The following DLGAP4 variants were observed in gnomAD, a reference collection of about 807,000 sequenced individuals.
DLGAP4 encodes the protein DLG associated protein 4.
In DLGAP4, 18 loss-of-function variants were observed where a neutral mutation model predicts 86.9. The observed-to-expected ratio is 0.21, with a 90% CI of 0.14 to 0.31. DLGAP4 has a LOEUF of 0.31. Among genes scored for constraint, DLGAP4 ranks in the 10% least tolerant of loss-of-function variants. The pLI, the probability that DLGAP4 is intolerant of heterozygous loss-of-function variation, is 1.00. For synonymous variants in DLGAP4, 548 were observed against 574.3 expected (o/e 0.95, Z 0.65); for missense variants, 1,085 against 1,362.6 (o/e 0.80, Z 3.21).
At chr20:36,447,900 GT>G (rs1173200509) in intron 7 of DLGAP4, among the ~76,000 whole-genome samples, 3 of 102,594 alleles carry the variant, frequency 2.9e-5, no homozygotes, top group African/African-American at 7.4e-5. Context: ...TATCAGGGGG[GT>G]GGGGGGGGGG....
intron 2 of DLGAP4, among the ~76,000 whole-genome samples, chr20:36,374,676 C>T (rs919220966): frequency 6.6e-6 from 1 of 152,206 alleles, no homozygotes; most frequent in Non-Finnish European, 1.5e-5. Flanking sequence ...CTCAAGGGAG[C>T]CTTAGATATC....
chr20:36,438,835 A>C (rs1477037164), intron 4 of DLGAP4, among the ~76,000 whole-genome samples: 1 of 150,262 alleles, frequency 6.7e-6, no homozygotes, highest in East Asian at 2.0e-4. Flanking sequence ...CAGCCTCCCG[A>C]GTAGCTGAGC....
At chr20:36,490,547 G>A (rs2035614325) in intron 7 of DLGAP4, among the ~76,000 whole-genome samples, 1 of 152,208 alleles carries the variant, frequency 6.6e-6, no homozygotes, top group Non-Finnish European at 1.5e-5. Context: ...GGAGTTAAGG[G>A]AGTCTGCCTT....
rs2033142624 is a variant in DLGAP4, at chr20:36,431,977, C to T, written c.260C>T (p.Pro87Leu). The T allele has an allele frequency of 6.2e-7, 1 of 1,614,100 alleles. No individual in the cohort carries two copies. The highest frequency in any genetic ancestry group is 8.5e-7 in the Non-Finnish European group (1 of 1,180,046). ...CACTTCGAGGTGCCAGAGGAGAGCC[C>T]CTTCCCCAGCCATGCCCAAGCCACC... Reference protein sequence around the residue: ...NSHFEVPEESPFPSHAQATKI... With the variant: ...NSHFEVPEESLFPSHAQATKI... Residue 87 changes from proline (P) to leucine (L), a missense_variant, in exon 3 of 13, where the codon CCC becomes CTC. Physicochemically the swap from Pro to Leu is moderately conservative, Grantham distance 98 (BLOSUM62 -3). This residue lies in a region of DLGAP4 where 1,082 missense variants were observed against 1,344.1 expected (regional missense o/e 0.81). Transcript: ENST00000339266. The surrounding 1 kb of genome is among the most constrained non-coding windows in gnomAD (Gnocchi z 5.1).
chr20:36,356,528 T>C (rs1555893853), intron 1 of DLGAP4, among the ~76,000 whole-genome samples: 1 of 152,088 alleles, frequency 6.6e-6, no homozygotes, highest in Admixed American at 6.6e-5. Flanking sequence ...GCCATGCTGG[T>C]CTCGAACTCC....
intron 2 of DLGAP4, among the ~76,000 whole-genome samples, chr20:36,430,675 C>T (rs1332147058): frequency 6.9e-6 from 1 of 144,360 alleles, no homozygotes; most frequent in Non-Finnish European, 1.5e-5. Context: ...AAAAAAAAGG[C>T]CAGGCATGGT....
chr20:36,427,725 A>G (rs951473088), intron 2 of DLGAP4, among the ~76,000 whole-genome samples: 1 of 152,056 alleles, frequency 6.6e-6, no homozygotes, highest in African/African-American at 2.4e-5. Context: ...GGTGGATCAC[A>G]GAAGGTCAGG....
At chr20:36,336,664 G>A (rs1555892136) in intron 1 of DLGAP4, among the ~76,000 whole-genome samples, 1 of 152,162 alleles carries the variant, frequency 6.6e-6, no homozygotes, top group African/African-American at 2.4e-5. Context: ...GGACAATGGG[G>A]GTCCAGCAGT....
chr20:36,354,307 G>A (rs1183827198), intron 1 of DLGAP4, among the ~76,000 whole-genome samples: 2 of 152,154 alleles, frequency 1.3e-5, no homozygotes, highest in Non-Finnish European at 2.9e-5. Context: ...GGGTGACAGA[G>A]CCAGACCCCA....
intron 2 of DLGAP4, among the ~76,000 whole-genome samples, chr20:36,368,197 C>T (rs2030769561): frequency 6.6e-6 from 1 of 152,210 alleles, no homozygotes; most frequent in Non-Finnish European, 1.5e-5. Context: ...ACCCAGACAC[C>T]AGCAGGACCT....
chr20:36,453,086 G>A (rs1320408128), intron 7 of DLGAP4, among the ~76,000 whole-genome samples: 7 of 152,076 alleles, frequency 4.6e-5, no homozygotes, highest in African/African-American at 1.7e-4. Context: ...GCCTGCCCTG[G>A]CCTCCCAAAG....
chr20:36,414,009 C>G (rs1333219277), intron 2 of DLGAP4, among the ~76,000 whole-genome samples: 1 of 152,198 alleles, frequency 6.6e-6, no homozygotes, highest in Non-Finnish European at 1.5e-5. Context: ...GACCTGTTCT[C>G]TTCCCCCTTT....
chr20:36,370,309 G>C (rs931936230), intron 2 of DLGAP4, among the ~76,000 whole-genome samples: 1 of 151,946 alleles, frequency 6.6e-6, no homozygotes, highest in East Asian at 1.9e-4. Context: ...TGATCAGCCT[G>C]GGCAATATAG....
intron 1 of DLGAP4, among the ~76,000 whole-genome samples, chr20:36,317,682 C>T (rs1287945585): frequency 6.6e-6 from 1 of 151,774 alleles, no homozygotes; most frequent in Non-Finnish European, 1.5e-5. Context: ...GTCTTGAACT[C>T]TTGGCCTCAA....
Position 36,432,174 on chromosome 20 carries a change from A to G in DLGAP4, c.457A>G (p.Lys153Glu). ...CTCAGTCCAGCGGCTTTTCTTCACC[A>G]AGGCACCCTCACTGGAGGGCACAGC... ...VHSVQRLFFT[K>E]APSLEGTAGK... The change falls in exon 3 of 13, where the codon AAG becomes GAG. Residue 153 changes from lysine (K) to glutamate (E), a missense_variant. Lys to Glu is a moderately conservative substitution (Grantham distance 56). Around this residue, in one of 2 missense-constraint regions of DLGAP4, gnomAD observed 1,082 missense variants for 1,344.1 expected, o/e 0.81. Coordinates refer to ENST00000339266, the MANE Select transcript of DLGAP4 (RefSeq NM_001365621.2). The surrounding 1 kb of genome is among the most constrained non-coding windows in gnomAD (Gnocchi z 6.5). 6.2e-7 allele frequency: 1 copy of G among 1,614,104 alleles called. No individual in the cohort carries two copies. The highest frequency in any genetic ancestry group is 1.7e-5 in the Admixed American group (1 of 60,024).
chr20:36,469,392 C>T (rs192003539), intron 7 of DLGAP4, among the ~76,000 whole-genome samples: 40 of 152,170 alleles, frequency 2.6e-4, no homozygotes, highest in Admixed American at 6.5e-5. Context: ...AGCCCGTGAG[C>T]CCTTATCCTG....
intron 1 of DLGAP4, among the ~76,000 whole-genome samples, chr20:36,358,773 A>G (rs2030419817): frequency 6.6e-6 from 1 of 152,124 alleles, no homozygotes; most frequent in Admixed American, 6.5e-5. Context: ...GTGCCACTGC[A>G]CTCCAGCCTG....
chr20:36,310,475 C>T (rs1452810550), intron 1 of DLGAP4, among the ~76,000 whole-genome samples: 9 of 152,136 alleles, frequency 5.9e-5, no homozygotes. Context: ...TCTGGGCTCC[C>T]TTGATAAAGT....
At chr20:36,473,416 T>C (rs955428766) in intron 7 of DLGAP4, among the ~76,000 whole-genome samples, 2 of 152,164 alleles carry the variant, frequency 1.3e-5, no homozygotes, top group Non-Finnish European at 2.9e-5. Context: ...GGGAGCTCCT[T>C]CTATCTCTGC....
Sources: allele counts gnomAD v4.1 joint callset (sites outside exome capture counted in the v4.1 genomes callset), GRCh38; gene constraint gnomAD v4.1.1; regional missense constraint gnomAD v4.1.1; non-coding constraint Gnocchi (gnomAD v3.1); transcripts MANE v1.5; gene names NCBI Gene and HGNC (gene_info 2026-07-23, HGNC 2026-07-21).